The following NSD2 variants were observed in gnomAD, a reference collection of about 807,000 sequenced individuals.
The protein encoded by NSD2 is nuclear receptor binding SET domain protein 2, also known as histone-lysine N-methyltransferase NSD2.
Under a neutral mutation model 139.0 loss-of-function variants are expected in NSD2, and 12 were observed. The observed-to-expected ratio is 0.09, with a 90% CI of 0.06 to 0.14. The LOEUF (loss-of-function observed/expected upper bound fraction) is 0.14, where lower values mean the gene tolerates loss of function less well. Ranked by LOEUF, NSD2 falls within the 10% of genes least tolerant of loss-of-function variation. NSD2 has a pLI of 1.00. For missense variants in NSD2, 1,155 were observed against 1,745.0 expected, an observed-to-expected ratio of 0.66 and a Z score of 6.02; for synonymous variants, 669 against 648.7, an observed-to-expected ratio of 1.03 and a Z score of -0.48.
At chr4:1,965,004 A>G (rs1725733703) in intron 18 of NSD2, among the ~76,000 whole-genome samples, 1 of 130,654 alleles carries the variant, frequency 7.7e-6, no homozygotes, top group South Asian at 2.7e-4. Context: ...GAAGAATCTA[A>G]TTTCTAGAGT....
At chr4:1,945,243 T>A (rs1723498449) in intron 9 of NSD2, 1 of 1,066,524 alleles carries the variant, frequency 9.4e-7, no homozygotes, top group Non-Finnish European at 1.1e-6. Context: ...GGTGGGGAGA[T>A]GGGCATTTGG....
chr4:1,915,078 C>T (rs979220473), intron 3 of NSD2, among the ~76,000 whole-genome samples: 6 of 150,650 alleles, frequency 4.0e-5, no homozygotes, highest in African/African-American at 1.5e-4. Context: ...TCTTATCTTC[C>T]AAGCTTTCTT....
intron 3 of NSD2, among the ~76,000 whole-genome samples, chr4:1,913,350 A>T (rs996416237): frequency 3.9e-5 from 6 of 152,104 alleles, no homozygotes; most frequent in Admixed American, 6.6e-5. Flanking sequence ...TCCGTGGGGG[A>T]GTTAGAGAAG....
chr4:1,903,507 A>G (rs1717467880), intron 2 of NSD2, among the ~76,000 whole-genome samples: 1 of 152,120 alleles, frequency 6.6e-6, no homozygotes, highest in African/African-American at 2.4e-5. Flanking sequence ...TTGGTGACAC[A>G]TGGGCTGCTG....
chr4:1,953,111 C>G, intron 11 of NSD2: 1 of 1,523,594 alleles, frequency 6.6e-7, no homozygotes, highest in Non-Finnish European at 8.8e-7. Context: ...TCAGGTGAAG[C>G]TGGAGCTCAG....
In NSD2 at chr4:1,901,080, C is replaced by G; in HGVS notation, c.426C>G (p.Ser142=). 6.2e-7 allele frequency: 1 copy of G among 1,614,138 alleles called. No individual in the cohort carries two copies. The highest frequency in any genetic ancestry group is 8.5e-7 in the Non-Finnish European group (1 of 1,180,010). The change falls in exon 2 of 22, where the codon TCC becomes TCG. Residue 142 remains serine, a synonymous_variant. Transcript: ENST00000508803. The part of the protein sequence containing the change: ...YMNGKPLFES[S]ICGDSAADVS... ...ATGGGAAGCCTCTCTTTGAATCTTC[C>G]ATTTGTGGTGACAGTGCTGCTGATG...
intron 18 of NSD2, among the ~76,000 whole-genome samples, chr4:1,967,825 C>T (rs998204968): frequency 6.6e-6 from 1 of 152,136 alleles, no homozygotes; most frequent in Non-Finnish European, 1.5e-5. Flanking sequence ...GGTCAACAGG[C>T]AGCAGGTGGT....
intron 9 of NSD2, among the ~76,000 whole-genome samples, chr4:1,949,487 G>A (rs1316726408): frequency 6.6e-6 from 1 of 152,110 alleles, no homozygotes; most frequent in Non-Finnish European, 1.5e-5. Context: ...CTCTGGCTGG[G>A]TGCGGTGGCT....
intron 5 of NSD2, among the ~76,000 whole-genome samples, chr4:1,923,495 C>A (rs941112003): frequency 1.3e-5 from 2 of 152,120 alleles, no homozygotes; most frequent in African/African-American, 4.8e-5. Flanking sequence ...CTGTATGTTA[C>A]GATCCTGGTG....
At chr4:1,953,627 CATTA>C (rs1346873809) in intron 12 of NSD2, 103 bp downstream of exon 12, 5 of 1,390,758 alleles carry the variant, frequency 3.6e-6, no homozygotes, top group Non-Finnish European at 4.8e-6. Context: ...CACCAAAGAG[CATTA>C]ATTATCTTGA....
rs188509279 is a variant in NSD2, at chr4:1,945,502, A to G, written c.1882-5570A>G. ...AAATTAGCATCTAGTTCCAAAACCA[A>G]AAAAAGTGCCTGTGGATGTATATAA... On this transcript the variant is annotated intron_variant, in intron 9 of 21. Transcript: ENST00000508803. 48 of 1,064,086 alleles carry G rather than the reference A, an allele frequency of 4.5e-5. No individual in the cohort carries two copies. In the African/African-American group the frequency reaches 7.7e-4, roughly 17 times the overall value. 65.9% of individuals were successfully genotyped at this position (1,064,086 alleles called of 1,614,324 possible). A position where few individuals can be genotyped will look rare whatever the true frequency, so the allele number is the denominator to read the frequency against.
chr4:1,938,388 C>CTTTTTTTTTTT (rs1186431532), intron 7 of NSD2, 63 bp from the exon 8 acceptor site: 10 of 1,130,132 alleles, frequency 8.8e-6, no homozygotes, highest in East Asian at 3.3e-5. Flanking sequence ...TTTTTTTTTC[C>CTTTTTTTTTTT]TTTTTTTCTT....
rs1727594654 is a variant in NSD2 at position 1,979,960 on chromosome 4, AAG to A, written c.*1057_*1058del. 1 of 232,414 alleles carries A rather than the reference AAG, an allele frequency of 4.3e-6. No individual in the cohort carries two copies. The highest frequency in any genetic ancestry group is 2.2e-5 in the African/African-American group (1 of 45,272). 14.4% of individuals were successfully genotyped at this position (232,414 alleles called of 1,614,324 possible). A position where few individuals can be genotyped will look rare whatever the true frequency, so the allele number is the denominator to read the frequency against. On this transcript the variant is annotated 3_prime_UTR_variant, in exon 22 of 22. Coordinates refer to ENST00000508803, the MANE Select transcript of NSD2 (RefSeq NM_001042424.3). ...CCGGGGACCCCAGCACGTGGGTCTA[AAG>A]AGAGACGGAGTCTAGCTCTCCTGCC... is the stretch of plus-strand genomic sequence containing the variant.
At position 1,974,195 on chromosome 4, in the gene NSD2, T is replaced by C. The variant is rs1238637467; in HGVS notation, c.3373-668T>C. ...GGAATTGTTTCTTTGCATCCTTTGCTGGTTTTCGGTTGGGTGAGTCTTTTT... is the reference window on the plus strand; with the variant it reads ...GGAATTGTTTCTTTGCATCCTTTGCCGGTTTTCGGTTGGGTGAGTCTTTTT... On this transcript the variant is annotated intron_variant, in intron 18 of 21. Transcript: ENST00000508803. This position sits in a 1 kb window ranked among gnomAD's most constrained non-coding sequence, Gnocchi z 4.0. Among the ~76,000 whole-genome samples, 4 of 151,870 alleles carry C rather than the reference T, an allele frequency of 2.6e-5. No individual in the cohort carries two copies. Among genetic ancestry groups the C allele is most frequent in the Admixed American group, 2.0e-4 (3 of 15,260 alleles).
intron 5 of NSD2, among the ~76,000 whole-genome samples, chr4:1,925,135 AGCTCCTCCCT>A (rs1372817436): frequency 6.6e-6 from 1 of 152,116 alleles, no homozygotes; most frequent in Non-Finnish European, 1.5e-5. Context: ...AACTTGAGGA[AGCTCCTCCCT>A]GCTTCCATCT....
At chr4:1,918,661 G>A (rs764519174) in intron 5 of NSD2, 38 bp downstream of exon 5, 2 of 1,603,332 alleles carry the variant, frequency 1.2e-6, no homozygotes, top group South Asian at 2.2e-5. Flanking sequence ...GCAAGTTTCA[G>A]AATTTGAGGA....
chr4:1,925,798 G>GTT lies in NSD2; in HGVS notation c.1411-4826_1411-4825dup, dbSNP rs1553869514. Among the ~76,000 whole-genome samples the GTT allele has an allele frequency of 1.4e-4, 21 of 150,288 alleles. No individual in the cohort carries two copies. The South Asian group carries it at 3.2e-3, about 23-fold the overall frequency. On this transcript the variant is annotated intron_variant, in intron 5 of 21. Transcript: ENST00000508803. ...TTTTTTTTTGTTTGTTTGTTTGTTT[G>GTT]TTTGTTTTTGTTTTTGTTTTTGAGA...
At chr4:1,884,169 C>T (rs1714909264) in intron 1 of NSD2, among the ~76,000 whole-genome samples, 2 of 151,986 alleles carry the variant, frequency 1.3e-5, no homozygotes, top group African/African-American at 4.8e-5. Context: ...GATCTTGGCT[C>T]ACTGCAACCT....
At chr4:1,962,292 AAAG>A (rs1391997768) in intron 18 of NSD2, among the ~76,000 whole-genome samples, 1 of 152,236 alleles carries the variant, frequency 6.6e-6, no homozygotes, top group Non-Finnish European at 1.5e-5. Flanking sequence ...AAAAGAGACT[AAAG>A]AAGTACCCAG....
Sources: allele counts gnomAD v4.1 joint callset (sites outside exome capture counted in the v4.1 genomes callset), GRCh38; gene constraint gnomAD v4.1.1; non-coding constraint Gnocchi (gnomAD v3.1); transcripts MANE v1.5; gene names NCBI Gene and HGNC (gene_info 2026-07-23, HGNC 2026-07-21).